The following SLC45A4 variants were observed in gnomAD, a reference collection of about 807,000 sequenced individuals.
The protein encoded by SLC45A4 is solute carrier family 45 member 4.
SLC45A4 carries 32 observed loss-of-function variants against 63.7 expected under a neutral mutation model. The ratio of observed to expected loss-of-function variants is 0.50; its 90% CI spans 0.38 to 0.67. SLC45A4 has a LOEUF of 0.67. Among genes scored for constraint, SLC45A4 ranks in the 30% least tolerant of loss-of-function variants. The pLI is 0.00. For synonymous variants in SLC45A4, 535 were observed against 510.0 expected, an observed-to-expected ratio of 1.05 and a Z score of -0.66; for missense variants, 1,027 against 1,157.7, an observed-to-expected ratio of 0.89 and a Z score of 1.64.
At chr8:141,263,383 AAAG>A (rs1037696247) in intron 1 of SLC45A4, among the ~76,000 whole-genome samples, 4 of 62,094 alleles carry the variant, frequency 6.4e-5, no homozygotes, top group Admixed American at 3.4e-4. Flanking sequence ...AATTTTAAAA[AAAG>A]AAGAAGAAAA....
At chr8:141,284,484 T>C (rs1478364286) in intron 1 of SLC45A4, among the ~76,000 whole-genome samples, 1 of 152,208 alleles carries the variant, frequency 6.6e-6, no homozygotes, top group African/African-American at 2.4e-5. Flanking sequence ...AAAAAATGTT[T>C]CTCCCAGGAG....
At chr8:141,297,876 C>A (rs918130899) in intron 1 of SLC45A4, among the ~76,000 whole-genome samples, 2 of 149,172 alleles carry the variant, frequency 1.3e-5, no homozygotes, top group Non-Finnish European at 2.9e-5. Context: ...GAAAAGTTAG[C>A]AAGATTTTTC....
At position 141,219,815 on chromosome 8, in the gene SLC45A4, C is replaced by T. The variant is rs766115317; in HGVS notation, c.445G>A (p.Asp149Asn). The T allele has an allele frequency of 2.0e-5, 32 of 1,583,480 alleles. No individual in the cohort carries two copies. In the East Asian group the frequency reaches 5.6e-4, roughly 28 times the overall value. ...NGSAIGLALG[D>N]VPNRQPIGIV... ...CCAATGGGCTGCCGGTTGGGGACAT[C>T]GCCGAGGGCCAGACCTGCGCAGAGC... The change falls in exon 4 of 9, where the codon GAT (aspartate) becomes AAT (asparagine). Residue 149 changes from aspartate (D) to asparagine (N), a missense_variant. Transcript: ENST00000517878.
intron 2 of SLC45A4, 84 bp downstream of exon 2, chr8:141,253,905 T>C: frequency 1.3e-6 from 2 of 1,502,362 alleles, no homozygotes; most frequent in Non-Finnish European, 1.8e-6. Context: ...CGCACCATCC[T>C]CTGCCTCCAG....
rs79595911 is a variant in SLC45A4, at chr8:141,285,582, C to T, written c.-401+22514G>A. Reference sequence around the variant, plus strand: ...CTTTACAAGTCCTGTGAGGTCTGCACTCCACCCACTGCACATCCACGGCCA... The same window carrying T: ...CTTTACAAGTCCTGTGAGGTCTGCATTCCACCCACTGCACATCCACGGCCA... On this transcript the variant is annotated intron_variant, in intron 1 of 8. Coordinates refer to ENST00000517878, the MANE Select transcript of SLC45A4 (RefSeq NM_001286646.2). Among the ~76,000 whole-genome samples, 548 of 152,332 alleles carry T rather than the reference C, an allele frequency of 3.6e-3. 1 individual carries two copies. Among genetic ancestry groups the T allele is most frequent in the African/African-American group, 0.012 (494 of 41,584 alleles).
chr8:141,273,138 G>A (rs1450556904), intron 1 of SLC45A4, among the ~76,000 whole-genome samples: 2 of 152,194 alleles, frequency 1.3e-5, no homozygotes, highest in South Asian at 2.1e-4. Flanking sequence ...TATTCTCCGC[G>A]CCACTGAGCT....
At chr8:141,228,233 G>C in intron 2 of SLC45A4, 6 of 1,614,034 alleles carry the variant, frequency 3.7e-6, no homozygotes, top group Non-Finnish European at 5.1e-6. Context: ...GTCTTTGGAC[G>C]GGACAGCCCT....
intron 5 of SLC45A4, among the ~76,000 whole-genome samples, chr8:141,217,546 GGGAGGGACCGTAT>G (rs1417152762): frequency 6.6e-6 from 1 of 152,220 alleles, no homozygotes; most frequent in Non-Finnish European, 1.5e-5. Context: ...GGACCAGAAA[GGGAGGGACCGTAT>G]GGAGACAGGA....
chr8:141,246,026 G>A (rs1407850400), intron 2 of SLC45A4, among the ~76,000 whole-genome samples: 1 of 152,204 alleles, frequency 6.6e-6, no homozygotes, highest in Non-Finnish European at 1.5e-5. Flanking sequence ...TTTCTTTGGG[G>A]AAGAGAGAAA....
chr8:141,279,764 G>T (rs1211263016), intron 1 of SLC45A4, among the ~76,000 whole-genome samples: 2 of 152,196 alleles, frequency 1.3e-5, no homozygotes, highest in African/African-American at 4.8e-5. Context: ...TTCCATCTGC[G>T]AACAAAAACT....
chr8:141,301,506 C>G (rs1830741560), intron 1 of SLC45A4, among the ~76,000 whole-genome samples: 1 of 151,790 alleles, frequency 6.6e-6, no homozygotes, highest in African/African-American at 2.4e-5. Context: ...ACTCTGGGAG[C>G]CTGAGGCAGG....
At chr8:141,252,806 T>C in intron 2 of SLC45A4, among the ~76,000 whole-genome samples, 1 of 150,788 alleles carries the variant, frequency 6.6e-6, no homozygotes, top group South Asian at 2.1e-4. Context: ...TTTCCGTGTT[T>C]TCACGCCCAC....
chr8:141,262,071 C>T (rs1390901853), intron 1 of SLC45A4, among the ~76,000 whole-genome samples: 1 of 152,160 alleles, frequency 6.6e-6, no homozygotes, highest in Non-Finnish European at 1.5e-5. Context: ...CACATATCTA[C>T]AACCATCTAA....
chr8:141,281,330 C>T (rs1459899450), intron 1 of SLC45A4, among the ~76,000 whole-genome samples: 1 of 152,192 alleles, frequency 6.6e-6, no homozygotes, highest in Non-Finnish European at 1.5e-5. Context: ...CAGAGCAAGA[C>T]TCCATCTCAA....
intron 1 of SLC45A4, among the ~76,000 whole-genome samples, chr8:141,266,258 G>A (rs984887486): frequency 6.6e-6 from 1 of 152,172 alleles, no homozygotes; most frequent in Non-Finnish European, 1.5e-5. Flanking sequence ...GCATGTACAC[G>A]CACGCATGGG....
At chr8:141,291,115 C>T (rs1414510770) in intron 1 of SLC45A4, among the ~76,000 whole-genome samples, 4 of 152,204 alleles carry the variant, frequency 2.6e-5, no homozygotes, top group African/African-American at 9.7e-5. Context: ...TCCCAAAGTG[C>T]TGGGGGTGAT....
At chr8:141,307,707 G>A (rs1830942295) in intron 1 of SLC45A4, among the ~76,000 whole-genome samples, 1 of 151,812 alleles carries the variant, frequency 6.6e-6, no homozygotes. Flanking sequence ...AGAGGCGCCA[G>A]GCTCCTCTCT....
chr8:141,218,112 G>C lies in SLC45A4; in HGVS notation c.1528C>G (p.Arg510Gly), dbSNP rs368799424. 3 of 1,612,282 alleles carry C rather than the reference G, an allele frequency of 1.9e-6. 1 individual carries two copies. Among genetic ancestry groups the C allele is most frequent in the Admixed American group, 3.3e-5 (2 of 60,024 alleles). ...SMLKMPRELMRLCLCHLLTWF... is the reference protein window; with the variant it reads ...SMLKMPRELMGLCLCHLLTWF... The stretch of plus-strand genomic sequence containing the variant: ...GTGAGGAGGTGGCAGAGGCACAGCC[G>C]CATCAGCTCCCTGGGCATCTTCAGC... The change falls in exon 5 of 9, where the codon CGG (arginine) becomes GGG (glycine). Residue 510 changes from arginine to glycine, a missense_variant. Coordinates refer to ENST00000517878, the MANE Select transcript of SLC45A4 (RefSeq NM_001286646.2).
intron 2 of SLC45A4, among the ~76,000 whole-genome samples, chr8:141,243,795 G>A (rs960248706): frequency 5.9e-5 from 9 of 151,926 alleles, no homozygotes; most frequent in Non-Finnish European, 1.2e-4. Flanking sequence ...GAGGATGAAG[G>A]CCTTTATGAC....
Sources: gnomAD v4.1 joint callset for allele counts (sites outside exome capture counted in the v4.1 genomes callset) on GRCh38, gnomAD v4.1.1 for gene constraint, MANE v1.5 for transcripts, NCBI Gene and HGNC (gene_info 2026-07-23, HGNC 2026-07-21) for gene names.